NBAS: variants seen among roughly 807,000 people sequenced by gnomAD.
NBAS encodes the protein NAG/BC035112 fusion.
In NBAS, 219 loss-of-function variants were observed where a neutral mutation model predicts 302.5. That is an observed-to-expected ratio of 0.72 (90% CI 0.65 to 0.81). The LOEUF is 0.81. Ranked by LOEUF, NBAS falls within the 30% of genes least tolerant of loss-of-function variation. The pLI, the probability that NBAS is intolerant of heterozygous loss-of-function variation, is 0.00. For missense variants in NBAS, 2,932 were observed against 2,841.6 expected (o/e 1.03, Z -0.72); for synonymous variants, 1,118 against 1,021.6 (o/e 1.09, Z -1.80).
At chr2:15,536,944 TAA>T (rs199712018) in intron 7 of NBAS, among the ~76,000 whole-genome samples, 1 of 152,166 alleles carries the variant, frequency 6.6e-6, no homozygotes, top group African/African-American at 2.4e-5. Context: ...TAGCCTGCGG[TAA>T]AAAAGTCTCC....
At chr2:15,328,740 G>A (rs572891157) in intron 36 of NBAS, among the ~76,000 whole-genome samples, 5 of 152,236 alleles carry the variant, frequency 3.3e-5, no homozygotes, top group Admixed American at 6.5e-5. Context: ...ACCAACAGCC[G>A]AACAACTAAA....
At chr2:15,515,461 C>T (rs1186812677) in intron 9 of NBAS, among the ~76,000 whole-genome samples, 1 of 152,078 alleles carries the variant, frequency 6.6e-6, no homozygotes. Flanking sequence ...GCAGAGGCTG[C>T]AGTAAGCCAA....
intron 21 of NBAS, among the ~76,000 whole-genome samples, chr2:15,430,029 C>T (rs987991999): frequency 6.6e-6 from 1 of 152,052 alleles, no homozygotes; most frequent in African/African-American, 2.4e-5. Context: ...ACCTAGCAAG[C>T]TATTATGACC....
the NBAS span, among the ~76,000 whole-genome samples, chr2:15,148,566 C>T: frequency 3.3e-5 from 5 of 152,092 alleles, no homozygotes; most frequent in South Asian, 6.2e-4. Context: ...GAAGGTTGGC[C>T]GCCCTAACAA....
chr2:15,411,907 G>A (rs1676705931), intron 25 of NBAS, among the ~76,000 whole-genome samples: 1 of 152,162 alleles, frequency 6.6e-6, no homozygotes, highest in Admixed American at 6.5e-5. Flanking sequence ...GAAGGCGGAA[G>A]CTTTTGTCCC....
the NBAS span, among the ~76,000 whole-genome samples, chr2:15,148,114 G>T: frequency 6.6e-6 from 1 of 152,288 alleles, no homozygotes; most frequent in African/African-American, 2.4e-5. Context: ...CAACCAGACT[G>T]GGAGGAGGAG....
chr2:15,377,652 A>G (rs1469740086), intron 30 of NBAS, among the ~76,000 whole-genome samples: 1 of 152,084 alleles, frequency 6.6e-6, no homozygotes, highest in Non-Finnish European at 1.5e-5. Flanking sequence ...TAACCTCTAC[A>G]CTCTGCTGCT....
chr2:15,024,878 T>C, the NBAS span, among the ~76,000 whole-genome samples: 1 of 152,186 alleles, frequency 6.6e-6, no homozygotes, highest in African/African-American at 2.4e-5. Flanking sequence ...TAATCAGATG[T>C]ACAGTTTGCA....
At chr2:15,181,045 C>G (rs935367219) in intron 50 of NBAS, among the ~76,000 whole-genome samples, 1 of 152,180 alleles carries the variant, frequency 6.6e-6, no homozygotes, top group Non-Finnish European at 1.5e-5. Context: ...TTATGGTAGT[C>G]ATTCATCGGT....
At chr2:15,071,920 G>GA in the NBAS span, among the ~76,000 whole-genome samples, 1 of 152,086 alleles carries the variant, frequency 6.6e-6, no homozygotes, top group African/African-American at 2.4e-5. Flanking sequence ...ACATAATCAA[G>GA]AAAAAAGTCA....
At chr2:15,151,792 C>T in the NBAS span, among the ~76,000 whole-genome samples, 1 of 152,154 alleles carries the variant, frequency 6.6e-6, no homozygotes, top group Non-Finnish European at 1.5e-5. Flanking sequence ...TAGTATTATC[C>T]TCCTGACAGC....
chr2:15,058,156 T>C, the NBAS span, among the ~76,000 whole-genome samples: 1 of 152,206 alleles, frequency 6.6e-6, no homozygotes, highest in Non-Finnish European at 1.5e-5. Flanking sequence ...TTGGTATCTT[T>C]TGAGTTTAAA....
the NBAS span, among the ~76,000 whole-genome samples, chr2:15,124,178 T>C: frequency 6.6e-6 from 1 of 152,148 alleles, no homozygotes; most frequent in Admixed American, 6.5e-5. Context: ...TACGGCTTTG[T>C]GGAAGTCTGA....
chr2:14,819,974 C>T, the NBAS span, among the ~76,000 whole-genome samples: 1 of 152,136 alleles, frequency 6.6e-6, no homozygotes, highest in Non-Finnish European at 1.5e-5. Context: ...TATCCTTTCA[C>T]CCCAGCTAAA....
chr2:15,223,297 A>G (rs984295382), intron 47 of NBAS, among the ~76,000 whole-genome samples: 1 of 152,218 alleles, frequency 6.6e-6, no homozygotes, highest in Non-Finnish European at 1.5e-5. Flanking sequence ...TAAAATTTTA[A>G]CAACTGGCAA....
chr2:15,050,110 G>C, the NBAS span, among the ~76,000 whole-genome samples: 11 of 152,110 alleles, frequency 7.2e-5, no homozygotes, highest in Non-Finnish European at 2.9e-5. Flanking sequence ...CAGAAATCTA[G>C]CTTTCTTCAA....
At chr2:15,379,196 C>CTT (rs5829503) in intron 30 of NBAS, among the ~76,000 whole-genome samples, 82 of 146,366 alleles carry the variant, frequency 5.6e-4, no homozygotes, top group East Asian at 1.6e-3. Context: ...GTCTCTCTCT[C>CTT]TTTTTTTTTT....
intron 50 of NBAS, among the ~76,000 whole-genome samples, chr2:15,183,684 A>G (rs1664934364): frequency 6.6e-6 from 1 of 151,848 alleles, no homozygotes; most frequent in South Asian, 2.1e-4. Flanking sequence ...TCTGGAAGAG[A>G]AACAGTACAG....
At chr2:14,813,436 C>T in the NBAS span, among the ~76,000 whole-genome samples, 1 of 152,118 alleles carries the variant, frequency 6.6e-6, no homozygotes, top group Non-Finnish European at 1.5e-5. Context: ...TAAAAATCAT[C>T]CTCGTTATGT....
Sources: allele counts gnomAD v4.1 joint callset (sites outside exome capture counted in the v4.1 genomes callset), GRCh38; gene constraint gnomAD v4.1.1; transcripts MANE v1.5; gene names NCBI Gene and HGNC (gene_info 2026-07-23, HGNC 2026-07-21).